DST: variants seen among roughly 807,000 people sequenced by gnomAD.
The protein encoded by DST is bullous pemphigoid antigen.
Under a neutral mutation model 875.2 loss-of-function variants are expected in DST, and 253 were observed. That is an observed-to-expected ratio of 0.29 (90% CI 0.26 to 0.32). The LOEUF (loss-of-function observed/expected upper bound fraction) is 0.32. Among genes scored for constraint, DST ranks in the 10% least tolerant of loss-of-function variants. The pLI, the probability that DST is intolerant of heterozygous loss-of-function variation, is 1.00. For missense variants in DST, 8,287 were observed against 9,111.6 expected (o/e 0.91, Z 3.68); for synonymous variants, 3,124 against 3,197.1 (o/e 0.98, Z 0.77).
At position 56,609,296 on chromosome 6, in the gene DST, G is replaced by A. The variant is rs2152715271; in HGVS notation, c.5332C>T (p.Leu1778Phe). The A allele has an allele frequency of 1.2e-6, 2 of 1,613,164 alleles. No homozygotes were observed. Among genetic ancestry groups the A allele is most frequent in the African/African-American group, 1.3e-5 (1 of 74,964 alleles). ...GTIDQTTGEV[L>F]SVFQAVLRGL... is the part of the protein sequence containing the mutation. Reference sequence around the variant, plus strand: ...CTTAAAACTGCTTGAAAGACTGAAAGGACTTCTCCAGTTGTCTGATCAATG... The same window carrying A: ...CTTAAAACTGCTTGAAAGACTGAAAAGACTTCTCCAGTTGTCTGATCAATG... Residue 1778 changes from leucine (L) to phenylalanine (F), a missense_variant, in exon 40 of 104, where the codon CTT becomes TTT. Transcript: ENST00000680361.
At chr6:56,495,342 T>C (rs1216664867) in intron 82 of DST, among the ~76,000 whole-genome samples, 1 of 151,988 alleles carries the variant, frequency 6.6e-6, no homozygotes, top group Non-Finnish European at 1.5e-5. Context: ...TAAACAGATT[T>C]CTATGATTTA....
chr6:56,513,615 C>T (rs1017022561), intron 72 of DST, among the ~76,000 whole-genome samples: 8 of 152,180 alleles, frequency 5.3e-5, no homozygotes, highest in African/African-American at 1.9e-4. Flanking sequence ...CCACCTGCCT[C>T]GGCCTCCCAA....
At chr6:56,465,678 T>C (rs2094543454) in intron 99 of DST, among the ~76,000 whole-genome samples, 1 of 152,096 alleles carries the variant, frequency 6.6e-6, no homozygotes, top group South Asian at 2.1e-4. Context: ...AACTTTGACC[T>C]TTAAACTTTT....
chr6:56,539,801 G>A (rs2097093083), intron 61 of DST, among the ~76,000 whole-genome samples: 1 of 152,146 alleles, frequency 6.6e-6, no homozygotes, highest in African/African-American at 2.4e-5. Flanking sequence ...GAGCTCCTGA[G>A]AGAAATTTTT....
intron 2 of DST, among the ~76,000 whole-genome samples, chr6:56,917,407 A>C (rs1483003184): frequency 2.0e-5 from 3 of 152,180 alleles, no homozygotes; most frequent in African/African-American, 2.4e-5. Context: ...TGGCTAGTCC[A>C]TTTTGTGGTG....
chr6:56,739,556 G>A (rs2099538651), intron 4 of DST, among the ~76,000 whole-genome samples: 1 of 152,138 alleles, frequency 6.6e-6, no homozygotes, highest in Non-Finnish European at 1.5e-5. Context: ...AAAGGAAGCT[G>A]AGACCTACTG....
At chr6:56,851,694 C>T in intron 3 of DST, 90 bp from the exon 4 acceptor site, 1 of 1,552,322 alleles carries the variant, frequency 6.4e-7, no homozygotes, top group Non-Finnish European at 8.7e-7. Flanking sequence ...CCACCGCCGC[C>T]CTCCCTGCCC....
chr6:56,613,147 A>G (rs1331154651), intron 37 of DST, among the ~76,000 whole-genome samples: 2 of 152,196 alleles, frequency 1.3e-5, no homozygotes, highest in Non-Finnish European at 1.5e-5. Context: ...TTATGTCCCC[A>G]TTTTAGTTGT....
At chr6:56,569,374 G>A (rs2097744020) in intron 54 of DST, among the ~76,000 whole-genome samples, 1 of 129,800 alleles carries the variant, frequency 7.7e-6, no homozygotes, top group Admixed American at 7.1e-5. Context: ...AATTTGGAAT[G>A]GGGGAAAAAA....
At chr6:56,803,302 A>G (rs1590798361) in intron 4 of DST, among the ~76,000 whole-genome samples, 1 of 152,286 alleles carries the variant, frequency 6.6e-6, no homozygotes, top group South Asian at 2.1e-4. Flanking sequence ...CACTTTTAAA[A>G]TTTATGCTGC....
At chr6:56,792,791 G>T (rs2099729954) in intron 4 of DST, among the ~76,000 whole-genome samples, 1 of 152,106 alleles carries the variant, frequency 6.6e-6, no homozygotes, top group South Asian at 2.1e-4. Flanking sequence ...TGGTTGGCTG[G>T]GCATGGTAGC....
chr6:56,877,577 T>A (rs1026638023), intron 3 of DST, among the ~76,000 whole-genome samples: 1 of 152,082 alleles, frequency 6.6e-6, no homozygotes, highest in African/African-American at 2.4e-5. Context: ...ATAAATAAAT[T>A]TAGTTATTTG....
At position 56,517,268 on chromosome 6, in the gene DST, A is replaced by G. The variant is rs1299214505; in HGVS notation, c.18287T>C (p.Ile6096Thr). Residue 6096 changes from isoleucine (I) to threonine (T), a missense_variant, in exon 71 of 104, where the codon ATT becomes ACT. Physicochemically the swap from Ile to Thr is moderately conservative, Grantham distance 89 (BLOSUM62 -1). This residue lies in a region of DST where 1,292 missense variants were observed against 1,552.7 expected (regional missense o/e 0.83). Coordinates refer to ENST00000680361, the MANE Select transcript of DST (RefSeq NM_001374736.1). ...ATGCCCAGATTTAACAAGGTCATCA[A>G]TAATATCCTTGTGTCTCAAAATCTC... ...TMEILRHKDI[I>T]DDLVKSGHKI... The G allele has an allele frequency of 1.9e-5, 31 of 1,612,860 alleles. No individual in the cohort carries two copies. The highest frequency in any genetic ancestry group is 2.5e-5 in the Non-Finnish European group (30 of 1,179,450).
At chr6:56,669,829 T>C (rs551078052) in intron 10 of DST, among the ~76,000 whole-genome samples, 1 of 152,204 alleles carries the variant, frequency 6.6e-6, no homozygotes, top group African/African-American at 2.4e-5. Context: ...TGAATTAATA[T>C]ATGTAAACTG....
Position 56,733,078 on chromosome 6 carries a change from A to G in DST, c.687+2150T>C, listed in dbSNP as rs2099508603. On this transcript the variant is annotated intron_variant, in intron 5 of 103. Transcript: ENST00000680361. ...TCACTGACTCCCTTTCTGTGAGAAG[A>G]ATGTGTGGGAGAAGAAGAAAAGGAG... 2.0e-5 allele frequency among the ~76,000 whole-genome samples: 3 copies of G among 152,298 alleles called. No homozygotes were observed. In the South Asian group the frequency reaches 6.2e-4, roughly 32 times the overall value.
Position 56,609,114 on chromosome 6 carries a change from T to C in DST, c.5514A>G (p.Leu1838=). Residue 1838 remains leucine (L), a synonymous_variant, in exon 40 of 104, where the codon CTA becomes CTG. Coordinates refer to ENST00000680361, the MANE Select transcript of DST (RefSeq NM_001374736.1). ...DEQILCQLKE[L]SKAKEIISAA... ...CAGAAATAATCTCCTTAGCTTTACT[T>C]AGTTCTTTGAGTTGGCACAGAATTT... 1 of 1,613,872 alleles carries C rather than the reference T, an allele frequency of 6.2e-7. No individual in the cohort carries two copies. The highest frequency in any genetic ancestry group is 8.5e-7 in the Non-Finnish European group (1 of 1,179,794).
At chr6:56,642,809 TC>T in intron 15 of DST, 1 of 1,613,538 alleles carries the variant, frequency 6.2e-7, no homozygotes, top group East Asian at 2.2e-5. Context: ...GAAACGATGT[TC>T]TTTCTTTCAC....
intron 61 of DST, among the ~76,000 whole-genome samples, chr6:56,548,441 T>C (rs1469439693): frequency 1.3e-5 from 2 of 152,252 alleles, no homozygotes; most frequent in East Asian, 1.9e-4. Context: ...GAAGACCTGA[T>C]TGGCTGTTAA....
chr6:56,927,505 T>C (rs1265798376), intron 2 of DST, among the ~76,000 whole-genome samples: 1 of 152,124 alleles, frequency 6.6e-6, no homozygotes, highest in Non-Finnish European at 1.5e-5. Context: ...AAAATCCTAA[T>C]TACAATATCA....
Sources: gnomAD v4.1 joint callset for allele counts (sites outside exome capture counted in the v4.1 genomes callset) on GRCh38, gnomAD v4.1.1 for gene constraint, gnomAD v4.1.1 regional missense constraint, MANE v1.5 for transcripts, NCBI Gene and HGNC (gene_info 2026-07-23, HGNC 2026-07-21) for gene names.